NTRK3: variants seen among roughly 807,000 people sequenced by gnomAD.
NTRK3 encodes the protein neurotrophic receptor tyrosine kinase 3.
Under a neutral mutation model 91.7 loss-of-function variants are expected in NTRK3, and 24 were observed. The ratio of observed to expected loss-of-function variants is 0.26; its 90% CI spans 0.19 to 0.37. The LOEUF (loss-of-function observed/expected upper bound fraction) is 0.37. Among genes scored for constraint, NTRK3 ranks in the 10% least tolerant of loss-of-function variants. The pLI, the probability that NTRK3 is intolerant of heterozygous loss-of-function variation, is 1.00. For missense variants in NTRK3, 880 were observed against 1,068.9 expected (o/e 0.82, Z 2.46); for synonymous variants, 483 against 404.0 (o/e 1.20, Z -2.34).
At chr15:87,877,570 A>T (rs113608353) in intron 18 of NTRK3, among the ~76,000 whole-genome samples, 3 of 151,962 alleles carry the variant, frequency 2.0e-5, no homozygotes, top group African/African-American at 7.3e-5. Flanking sequence ...TGGCCCCTGC[A>T]TGCCTATCTC....
chr15:88,000,156 G>T (rs2075997625), intron 14 of NTRK3, among the ~76,000 whole-genome samples: 1 of 152,166 alleles, frequency 6.6e-6, no homozygotes, highest in Non-Finnish European at 1.5e-5. Context: ...TTTAGACACA[G>T]GTAGGGACTA....
intron 3 of NTRK3, among the ~76,000 whole-genome samples, chr15:88,214,676 A>T (rs1220952098): frequency 9.8e-6 from 1 of 102,054 alleles, no homozygotes; most frequent in Non-Finnish European, 2.0e-5. Context: ...AAAAAAAAAA[A>T]CAGAGAGAAT....
At position 88,127,540 on chromosome 15, in the gene NTRK3, A is replaced by G. The variant is rs567745653; in HGVS notation, c.1229-314T>C. Among the ~76,000 whole-genome samples the G allele has an allele frequency of 2.0e-5, 3 of 152,350 alleles. No individual in the cohort carries two copies. In the South Asian group the frequency reaches 6.2e-4, roughly 32 times the overall value. On this transcript the variant is annotated intron_variant, in intron 11 of 18. Transcript: ENST00000394480. ...ACCTGGGCAACTTGGGCCATGAGCT[A>G]TAGAACAGAAAAAAAGAAACATGGT...
intron 3 of NTRK3, among the ~76,000 whole-genome samples, chr15:88,201,283 T>C (rs2048284126): frequency 6.6e-6 from 1 of 152,146 alleles, no homozygotes; most frequent in South Asian, 2.1e-4. Flanking sequence ...GTTTTATTCC[T>C]TTTCCTCACC....
intron 13 of NTRK3, among the ~76,000 whole-genome samples, chr15:88,078,223 T>C (rs2047727293): frequency 6.6e-6 from 1 of 152,222 alleles, no homozygotes; most frequent in Non-Finnish European, 1.5e-5. Context: ...TACACCCTAT[T>C]GTATGTTCTG....
chr15:87,987,482 T>A (rs1054115893), intron 14 of NTRK3, among the ~76,000 whole-genome samples: 4 of 144,226 alleles, frequency 2.8e-5, no homozygotes, highest in Non-Finnish European at 1.6e-5. Context: ...TGTCTTTCTC[T>A]CTCTATCTAT....
chr15:87,956,742 T>C (rs1354191639), intron 14 of NTRK3, among the ~76,000 whole-genome samples: 2 of 150,784 alleles, frequency 1.3e-5, no homozygotes, highest in Non-Finnish European at 3.0e-5. Context: ...GGCTAATTTT[T>C]GTATTTTTTA....
intron 17 of NTRK3, among the ~76,000 whole-genome samples, chr15:87,914,407 C>T (rs1344635052): frequency 3.9e-5 from 6 of 152,160 alleles, no homozygotes; most frequent in South Asian, 4.1e-4. Flanking sequence ...CTTTCAAATA[C>T]GCATACTCAG....
chr15:88,105,230 C>G (rs2050576921), intron 13 of NTRK3, among the ~76,000 whole-genome samples: 1 of 152,168 alleles, frequency 6.6e-6, no homozygotes, highest in Non-Finnish European at 1.5e-5. Context: ...GTTGCCAATT[C>G]CAGGCACCAT....
intron 13 of NTRK3, among the ~76,000 whole-genome samples, chr15:88,102,819 A>G (rs2150891282): frequency 6.6e-6 from 1 of 152,314 alleles, no homozygotes; most frequent in East Asian, 1.9e-4. Flanking sequence ...ATCACCTTCC[A>G]GAATCCGACC....
At chr15:88,007,117 T>A (rs2076548725) in intron 14 of NTRK3, among the ~76,000 whole-genome samples, 1 of 152,208 alleles carries the variant, frequency 6.6e-6, no homozygotes, top group South Asian at 2.1e-4. Flanking sequence ...TGGACAAGCC[T>A]GAACCAAGGG....
At chr15:88,239,732 A>G (rs1184721167) in intron 3 of NTRK3, among the ~76,000 whole-genome samples, 1 of 152,194 alleles carries the variant, frequency 6.6e-6, no homozygotes, top group Non-Finnish European at 1.5e-5. Flanking sequence ...GTATTCTTCA[A>G]GAATGGAAGG....
At chr15:88,123,486 G>C (rs573470179) in intron 13 of NTRK3, among the ~76,000 whole-genome samples, 3 of 152,302 alleles carry the variant, frequency 2.0e-5, no homozygotes, top group East Asian at 3.9e-4. Flanking sequence ...TGCAGCTTGA[G>C]GCATTTGCTT....
At chr15:87,981,509 G>T in intron 14 of NTRK3, 1 of 991,644 alleles carries the variant, frequency 1.0e-6, no homozygotes, top group Non-Finnish European at 1.5e-6. Flanking sequence ...TGTGCCTGTA[G>T]TGGCAGCTGG....
rs2046721364 is a variant in NTRK3, at chr15:88,067,174, G to A, written c.1397-34129C>T. On this transcript the variant is annotated intron_variant, in intron 13 of 18. Coordinates refer to ENST00000394480, the Ensembl canonical transcript of NTRK3. ...TCAGTTCCATGCAACACGTGGTGCT[G>A]AGGGCTCAGTCCCATTCAGCACAGC... 2.6e-5 allele frequency among the ~76,000 whole-genome samples: 4 copies of A among 152,158 alleles called. No individual in the cohort carries two copies. In the South Asian group the frequency reaches 8.3e-4, roughly 32 times the overall value.
intron 14 of NTRK3, among the ~76,000 whole-genome samples, chr15:87,950,521 T>A (rs1000932365): frequency 6.6e-6 from 1 of 151,912 alleles, no homozygotes; most frequent in African/African-American, 2.4e-5. Flanking sequence ...AGGATCAGAG[T>A]AAGGGGACTG....
intron 13 of NTRK3, among the ~76,000 whole-genome samples, chr15:88,062,322 G>A (rs906258374): frequency 6.6e-6 from 1 of 152,182 alleles, no homozygotes; most frequent in Non-Finnish European, 1.5e-5. Context: ...AACAGTTTCT[G>A]GCATTGACTA....
chr15:88,127,360 C>T (rs1320854503), intron 11 of NTRK3, 134 bp from the exon 12 acceptor site: 2 of 764,516 alleles, frequency 2.6e-6, no homozygotes, highest in Non-Finnish European at 4.6e-6. Context: ...CAGGCTCTTG[C>T]AGTCTGCCTT....
At chr15:88,031,832 A>T (rs2078565345) in intron 14 of NTRK3, among the ~76,000 whole-genome samples, 3 of 152,136 alleles carry the variant, frequency 2.0e-5, no homozygotes, top group African/African-American at 7.2e-5. Flanking sequence ...AAGTACAGAG[A>T]GCTCTGCCCA....
Sources: allele counts gnomAD v4.1 joint callset (sites outside exome capture counted in the v4.1 genomes callset), GRCh38; gene constraint gnomAD v4.1.1; transcripts MANE v1.5; gene names NCBI Gene and HGNC (gene_info 2026-07-23, HGNC 2026-07-21).